DPYD: variants seen among roughly 807,000 people sequenced by gnomAD.
The protein encoded by DPYD is dihydropyrimidine dehydrogenase, also known as dihydropyrimidine dehydrogenase [NADP(+)].
Under a neutral mutation model 116.2 loss-of-function variants are expected in DPYD, and 109 were observed. The ratio of observed to expected loss-of-function variants is 0.94; its 90% CI spans 0.80 to 1.10. The LOEUF (loss-of-function observed/expected upper bound fraction) is 1.10, where lower values mean the gene tolerates loss of function less well. Ranked by LOEUF, DPYD falls within the 50% of genes least tolerant of loss-of-function variation. DPYD has a pLI of 0.00. For synonymous variants in DPYD, 440 were observed against 432.0 expected (o/e 1.02, Z -0.23); for missense variants, 1,302 against 1,254.5 (o/e 1.04, Z -0.57).
intron 14 of DPYD, among the ~76,000 whole-genome samples, chr1:97,427,580 A>G (rs1222604029): frequency 4.6e-5 from 7 of 152,042 alleles, no homozygotes; most frequent in African/African-American, 7.2e-5. Context: ...CCAGGAAACT[A>G]ACAGAGCATT....
At chr1:97,370,428 G>C (rs916954462) in intron 16 of DPYD, among the ~76,000 whole-genome samples, 6 of 152,054 alleles carry the variant, frequency 3.9e-5, no homozygotes, top group African/African-American at 4.8e-5. Context: ...GGGTTGGGGG[G>C]TCAGAGGGCT....
chr1:97,800,239 CTATTAT>C (rs531781842), intron 3 of DPYD, among the ~76,000 whole-genome samples: 1 of 151,628 alleles, frequency 6.6e-6, no homozygotes, highest in Non-Finnish European at 1.5e-5. Flanking sequence ...CAAATTATAG[CTATTAT>C]TATTATTGAC....
intron 8 of DPYD, among the ~76,000 whole-genome samples, chr1:97,644,737 C>T (rs1006682270): frequency 1.3e-5 from 2 of 151,886 alleles, no homozygotes; most frequent in Non-Finnish European, 2.9e-5. Context: ...GGATTACAGG[C>T]ATGAGCCACC....
At chr1:97,740,364 T>G in intron 4 of DPYD, 28 bp downstream of exon 4, 1 of 1,557,882 alleles carries the variant, frequency 6.4e-7, no homozygotes, top group Non-Finnish European at 8.9e-7. Flanking sequence ...ACTGTTATTT[T>G]CATTTGCAGA....
At chr1:97,327,419 T>G (rs2101142477) in intron 16 of DPYD, among the ~76,000 whole-genome samples, 1 of 152,170 alleles carries the variant, frequency 6.6e-6, no homozygotes, top group African/African-American at 2.4e-5. Flanking sequence ...ATTATATTTT[T>G]CAAATGTTAT....
At chr1:97,537,118 G>A (rs576776233) in intron 12 of DPYD, among the ~76,000 whole-genome samples, 1 of 152,272 alleles carries the variant, frequency 6.6e-6, no homozygotes, top group East Asian at 1.9e-4. Flanking sequence ...CTAAGTAACA[G>A]GGACTTCAAC....
chr1:97,603,799 C>T (rs1655410565), intron 8 of DPYD, among the ~76,000 whole-genome samples: 1 of 152,060 alleles, frequency 6.6e-6, no homozygotes. Context: ...GAGACTGAAA[C>T]ATTCTGTATT....
chr1:97,606,372 A>T (rs1353651226), intron 8 of DPYD, among the ~76,000 whole-genome samples: 1 of 152,028 alleles, frequency 6.6e-6, no homozygotes, highest in Admixed American at 6.6e-5. Context: ...AGAGCAAGAC[A>T]CCTGCTATGA....
At chr1:97,145,711 C>T (rs1031738887) in intron 20 of DPYD, among the ~76,000 whole-genome samples, 1 of 147,084 alleles carries the variant, frequency 6.8e-6, no homozygotes, top group Non-Finnish European at 1.5e-5. Flanking sequence ...CTAAGTAAAA[C>T]AAACCACAGA....
chr1:97,720,275 C>T, intron 5 of DPYD: 1 of 985,090 alleles, frequency 1.0e-6, no homozygotes, highest in African/African-American at 1.7e-5. Context: ...AGTTGATATA[C>T]ATACTATGTG....
intron 3 of DPYD, among the ~76,000 whole-genome samples, chr1:97,752,119 T>C (rs1001949335): frequency 6.6e-6 from 1 of 152,030 alleles, no homozygotes; most frequent in Admixed American, 6.6e-5. Context: ...GTGATTGCCA[T>C]TATTATAGAG....
intron 1 of DPYD, among the ~76,000 whole-genome samples, chr1:97,886,625 T>A (rs1672500254): frequency 2.0e-5 from 3 of 152,014 alleles, no homozygotes. Context: ...TCTGGAGCAG[T>A]GGCCCAGAGA....
intron 2 of DPYD, among the ~76,000 whole-genome samples, chr1:97,882,051 A>G (rs1672253067): frequency 6.6e-6 from 1 of 151,828 alleles, no homozygotes. Context: ...AAAAAATTAT[A>G]TGATTCTTTT....
intron 20 of DPYD, among the ~76,000 whole-genome samples, chr1:97,178,925 G>A (rs1657467711): frequency 6.6e-6 from 1 of 152,154 alleles, no homozygotes; most frequent in Non-Finnish European, 1.5e-5. Flanking sequence ...ATCTCAGCAT[G>A]AGACTTCAGT....
At chr1:97,132,237 G>A (rs1653396551) in intron 20 of DPYD, among the ~76,000 whole-genome samples, 3 of 152,052 alleles carry the variant, frequency 2.0e-5, no homozygotes, top group South Asian at 2.1e-4. Context: ...CAGGAACATC[G>A]TTCCTGGCGT....
At chr1:97,649,471 ATAAGT>A (rs776018601) in intron 8 of DPYD, among the ~76,000 whole-genome samples, 2 of 152,108 alleles carry the variant, frequency 1.3e-5, no homozygotes, top group Non-Finnish European at 2.9e-5. Flanking sequence ...CTGTACATGA[ATAAGT>A]TACTTAAAAT....
At chr1:97,628,332 A>G (rs1657056557) in intron 8 of DPYD, among the ~76,000 whole-genome samples, 1 of 152,068 alleles carries the variant, frequency 6.6e-6, no homozygotes, top group South Asian at 2.1e-4. Context: ...CAAACTTTGA[A>G]TAATACGTAT....
chr1:97,720,713 T>C (rs1181830000), intron 5 of DPYD: 2 of 1,413,060 alleles, frequency 1.4e-6, no homozygotes, highest in Admixed American at 3.2e-5. Flanking sequence ...ACTAAAAATC[T>C]AGGTTGACGG....
rs142259710 is a variant in DPYD, at chr1:97,399,317, G to A, written c.1906-16856C>T. Among the ~76,000 whole-genome samples the A allele has an allele frequency of 4.7e-4, 72 of 151,982 alleles. No individual in the cohort carries two copies. In the East Asian group the frequency reaches 0.011, roughly 23 times the overall value. ...TTCCATTGGTCTATATCTCTTTTGTGGTACCAGTACCATGTTGTTTTGGTT... is the reference window on the plus strand; with the variant it reads ...TTCCATTGGTCTATATCTCTTTTGTAGTACCAGTACCATGTTGTTTTGGTT... On this transcript the variant is annotated intron_variant, in intron 14 of 22. Coordinates refer to ENST00000370192, the MANE Select transcript of DPYD (RefSeq NM_000110.4).
Sources: gnomAD v4.1 joint callset for allele counts (sites outside exome capture counted in the v4.1 genomes callset) on GRCh38, gnomAD v4.1.1 for gene constraint, MANE v1.5 for transcripts, NCBI Gene and HGNC (gene_info 2026-07-23, HGNC 2026-07-21) for gene names.